Variants in SMIM41 observed in about 807,000 individuals in gnomAD.
SMIM41 encodes small integral membrane protein 41.
At chr12:52,100,613 C>T (rs1471701004) in intron 2 of SMIM41, among the ~76,000 whole-genome samples, 6 of 149,634 alleles carry the variant, frequency 4.0e-5, no homozygotes, top group East Asian at 2.0e-4. Context: ...TGCGCTACCG[C>T]GCCCAGCTAT....
At chr12:52,087,855 A>T (rs7132828) in intron 2 of SMIM41, among the ~76,000 whole-genome samples, 19 of 152,262 alleles carry the variant, frequency 1.2e-4, no homozygotes, top group East Asian at 5.8e-4. Context: ...GGGCATCTCC[A>T]GTCTCTCCTT....
At chr12:52,091,405 T>A (rs1940002051) in intron 2 of SMIM41, among the ~76,000 whole-genome samples, 1 of 152,246 alleles carries the variant, frequency 6.6e-6, no homozygotes, top group Non-Finnish European at 1.5e-5. Flanking sequence ...AGCTACTTTT[T>A]GTTGAAATTG....
At chr12:52,095,016 G>A (rs1255456363) in intron 2 of SMIM41, among the ~76,000 whole-genome samples, 4 of 145,970 alleles carry the variant, frequency 2.7e-5, no homozygotes, top group African/African-American at 7.9e-5. Context: ...TGTGATCTCC[G>A]CTCACTGCAA....
rs574384774 is a variant in SMIM41, at chr12:52,090,273, A to C, written c.*195+6305A>C. Among the ~76,000 whole-genome samples the C allele has an allele frequency of 7.2e-5, 11 of 152,216 alleles. 1 individual carries two copies. Among genetic ancestry groups the C allele is most frequent in the African/African-American group, 2.7e-4 (11 of 41,508 alleles). On this transcript the variant is annotated intron_variant, in intron 2 of 2. Transcript: ENST00000546390. ...TTTTTGGTAGAGACGGAGTTTCACC[A>C]TGTTGGGCAGGCTGAGTCAGGCTGG...
At chr12:52,106,316 A>C (rs749557091) in intron 2 of SMIM41, among the ~76,000 whole-genome samples, 6 of 152,222 alleles carry the variant, frequency 3.9e-5, no homozygotes, top group Non-Finnish European at 7.3e-5. Flanking sequence ...GGCTGTCATC[A>C]GTGTGACTTC....
At chr12:52,103,366 A>G (rs1940260341) in intron 2 of SMIM41, among the ~76,000 whole-genome samples, 1 of 151,604 alleles carries the variant, frequency 6.6e-6, no homozygotes, top group South Asian at 2.1e-4. Flanking sequence ...CCAAAAAAAA[A>G]AAAAAACCAA....
intron 2 of SMIM41, among the ~76,000 whole-genome samples, chr12:52,088,502 G>A (rs963213635): frequency 1.4e-4 from 22 of 152,146 alleles, no homozygotes; most frequent in African/African-American, 3.9e-4. Flanking sequence ...TTCTTCCCTC[G>A]GGAGCCGTCT....
chr12:52,103,812 A>G (rs1940272328), intron 2 of SMIM41, among the ~76,000 whole-genome samples: 1 of 152,218 alleles, frequency 6.6e-6, no homozygotes, highest in Non-Finnish European at 1.5e-5. Context: ...AAGGGTCTAG[A>G]GTAGTTAAAC....
intron 2 of SMIM41, among the ~76,000 whole-genome samples, chr12:52,101,338 G>A (rs1172134740): frequency 6.6e-6 from 1 of 152,172 alleles, no homozygotes; most frequent in Non-Finnish European, 1.5e-5. Flanking sequence ...GGCCCAAGAA[G>A]CACTTGAACT....
chr12:52,098,857 G>T (rs754325868), intron 2 of SMIM41, among the ~76,000 whole-genome samples: 2 of 151,814 alleles, frequency 1.3e-5, no homozygotes, highest in East Asian at 1.9e-4. Context: ...CGTAATCTTA[G>T]CCTCTCCCTC....
chr12:52,079,876 C>T lies in SMIM41; in HGVS notation c.97C>T (p.Arg33Cys), dbSNP rs987925605. ...GCCGCCGGAGCCCCCCGAGGGGCCG[C>T]GCGCGGTGCAGGCGGTGGTGCTCGG... ...ASPPEPPEGP[R>C]AVQAVVLGVL... Residue 33 changes from arginine (R) to cysteine (C), a missense_variant, in exon 1 of 3, where the codon CGC (arginine) becomes TGC (cysteine). Physicochemically the swap from Arg to Cys is radical, Grantham distance 180. Coordinates refer to ENST00000546390, the MANE Select transcript of SMIM41 (RefSeq NM_001369216.1). 5 of 390,764 alleles carry T rather than the reference C, an allele frequency of 1.3e-5. No individual in the cohort carries two copies. The highest frequency in any genetic ancestry group is 6.2e-5 in the African/African-American group (3 of 48,244). 24.2% of individuals were successfully genotyped at this position (390,764 alleles called of 1,614,324 possible). A position where few individuals can be genotyped will look rare whatever the true frequency, so the allele number is the denominator to read the frequency against.
At chr12:52,103,131 G>C (rs12306491) in intron 2 of SMIM41, among the ~76,000 whole-genome samples, 2,171 of 152,188 alleles carry the variant, frequency 0.014, 58 homozygotes, top group African/African-American at 0.049. Flanking sequence ...TTCAAGACCA[G>C]CCTGGCCATC....
At chr12:52,089,940 T>G (rs933185375) in intron 2 of SMIM41, among the ~76,000 whole-genome samples, 1 of 152,166 alleles carries the variant, frequency 6.6e-6, no homozygotes, top group Non-Finnish European at 1.5e-5. Flanking sequence ...CACGTCTTTT[T>G]TGGGGGGGAC....
At chr12:52,103,357 C>CCAAA (rs1940259609) in intron 2 of SMIM41, among the ~76,000 whole-genome samples, 1 of 116,982 alleles carries the variant, frequency 8.5e-6, no homozygotes, top group African/African-American at 3.1e-5. Context: ...AAAATAAAAC[C>CCAAA]AAAAAAAAAA....
At chr12:52,100,291 TG>T (rs1457535317) in intron 2 of SMIM41, among the ~76,000 whole-genome samples, 3 of 152,062 alleles carry the variant, frequency 2.0e-5, no homozygotes, top group African/African-American at 7.2e-5. Context: ...TCTGCGATAT[TG>T]GGAGTAATAT....
At chr12:52,095,243 C>T (rs1384087357) in intron 2 of SMIM41, among the ~76,000 whole-genome samples, 16 of 151,778 alleles carry the variant, frequency 1.1e-4, no homozygotes, top group South Asian at 2.1e-4. Flanking sequence ...CGCAGGGGGT[C>T]GGGCGCCCCC....
chr12:52,098,545 G>C (rs1318396368), intron 2 of SMIM41, among the ~76,000 whole-genome samples: 1 of 149,444 alleles, frequency 6.7e-6, no homozygotes, highest in East Asian at 2.0e-4. Flanking sequence ...TTTGATATTT[G>C]ATATCATCCT....
At chr12:52,105,375 C>T (rs780296864) in intron 2 of SMIM41, among the ~76,000 whole-genome samples, 11 of 152,216 alleles carry the variant, frequency 7.2e-5, no homozygotes, top group Non-Finnish European at 1.5e-4. Flanking sequence ...CGGAATTTGG[C>T]TTCTCTTCCT....
intron 2 of SMIM41, among the ~76,000 whole-genome samples, chr12:52,098,522 G>A (rs1940145503): frequency 9.1e-6 from 1 of 110,482 alleles, no homozygotes; most frequent in Admixed American, 9.6e-5. Flanking sequence ...GGGGGGGGGG[G>A]ACGTACACCC....
Sources: allele counts gnomAD v4.1 joint callset (sites outside exome capture counted in the v4.1 genomes callset), GRCh38; gene constraint gnomAD v4.1.1; transcripts MANE v1.5; gene names NCBI Gene and HGNC (gene_info 2026-07-23, HGNC 2026-07-21).